FUT2: variants seen among roughly 807,000 people sequenced by gnomAD.
The protein encoded by FUT2 is galactoside alpha-(1,2)-fucosyltransferase 2.
For missense variants in FUT2, 419 were observed against 465.8 expected (o/e 0.90, Z 0.93); for synonymous variants, 182 against 193.1 (o/e 0.94, Z 0.48).
rs200626231 is a variant in FUT2 at position 48,703,939 on chromosome 19, C to T, written c.983C>T (p.Pro328Leu). ...TTTAAGCCAGAGGCAGCCTTCCTGC[C>T]GGAGTGGACAGGGATTGCCGCAGAC... ...KIFKPEAAFL[P>L]EWTGIAADLS... The change falls in exon 2 of 2, where the codon CCG becomes CTG. Residue 328 changes from proline to leucine, a missense_variant. Physicochemically the swap from Pro to Leu is moderately conservative, Grantham distance 98. Coordinates refer to ENST00000425340, the MANE Select transcript of FUT2 (RefSeq NM_000511.6). 4.0e-5 allele frequency: 64 copies of T among 1,613,538 alleles called. No homozygotes were observed. In the Admixed American group the frequency reaches 6.8e-4, roughly 17 times the overall value.
intron 1 of FUT2, among the ~76,000 whole-genome samples, chr19:48,700,522 G>A (rs1056875379): frequency 4.2e-4 from 64 of 151,760 alleles, no homozygotes; most frequent in African/African-American, 8.9e-4. Flanking sequence ...TAGTAGAGAC[G>A]GGGTTTCACC....
rs1219090590 is a variant in FUT2, at chr19:48,704,725, C to T, written c.*737C>T. 2.4e-6 allele frequency: 1 copy of T among 413,372 alleles called. No individual in the cohort carries two copies. Among genetic ancestry groups the T allele is most frequent in the Non-Finnish European group, 4.4e-6 (1 of 226,306 alleles). The allele number at this position is 413,372 out of a possible 1,614,324, so 25.6% of individuals were successfully genotyped here. On this transcript the variant is annotated 3_prime_UTR_variant, in exon 2 of 2. Transcript: ENST00000425340. The stretch of plus-strand genomic sequence containing the variant: ...GGTCCCTTTTGAAGAATGAATGAAA[C>T]CTTCCTAAGCCTTCCAGCAATTTCC...
At chr19:48,698,647 G>T (rs1243733447) in intron 1 of FUT2, among the ~76,000 whole-genome samples, 1 of 151,862 alleles carries the variant, frequency 6.6e-6, no homozygotes, top group Non-Finnish European at 1.5e-5. Context: ...TCTCCATGTT[G>T]GTCAGGCTGC....
chr19:48,697,043 G>A (rs773571691), intron 1 of FUT2, among the ~76,000 whole-genome samples: 4 of 151,956 alleles, frequency 2.6e-5, no homozygotes, highest in Non-Finnish European at 4.4e-5. Flanking sequence ...AAGCCGGGCC[G>A]CAATAGAAAG....
At chr19:48,700,539 G>A (rs543754353) in intron 1 of FUT2, among the ~76,000 whole-genome samples, 1 of 151,938 alleles carries the variant, frequency 6.6e-6, no homozygotes, top group Admixed American at 6.6e-5. Flanking sequence ...CACCGTGTTA[G>A]CCAGGATGGT....
Position 48,703,715 on chromosome 19 carries a change from T to A in FUT2, c.759T>A (p.Ile253=). 1 of 1,613,626 alleles carries A rather than the reference T, an allele frequency of 6.2e-7. No homozygotes were observed. Among genetic ancestry groups the A allele is most frequent in the Non-Finnish European group, 8.5e-7 (1 of 1,180,020 alleles). The stretch of plus-strand genomic sequence containing the variant: ...GCATGGCCTGGTGTCGGGAGAACAT[T>A]GACACCTCCCACGGTGATGTGGTGT... ...SNGMAWCREN[I]DTSHGDVVFA... is the part of the protein sequence containing the mutation. Residue 253 remains isoleucine, a synonymous_variant, in exon 2 of 2, where the codon ATT becomes ATA. Transcript: ENST00000425340.
chr19:48,698,817 C>G (rs1268596403), intron 1 of FUT2, among the ~76,000 whole-genome samples: 2 of 151,928 alleles, frequency 1.3e-5, no homozygotes, highest in African/African-American at 2.4e-5. Context: ...CTCAAGCAAT[C>G]CTCCCAGCTC....
chr19:48,700,152 C>CAAAAA (rs923397801), intron 1 of FUT2, among the ~76,000 whole-genome samples: 133 of 43,988 alleles, frequency 3.0e-3, no homozygotes, highest in Non-Finnish European at 3.8e-3. Flanking sequence ...GACTCCATCT[C>CAAAAA]AAAAAAAAAA....
chr19:48,698,578 A>T (rs1342940649), intron 1 of FUT2, among the ~76,000 whole-genome samples: 2 of 151,960 alleles, frequency 1.3e-5, no homozygotes, highest in East Asian at 3.9e-4. Context: ...AGTAGCTGTG[A>T]TTACAGGCAT....
chr19:48,701,607 G>C (rs577987014), intron 1 of FUT2, among the ~76,000 whole-genome samples: 1 of 152,198 alleles, frequency 6.6e-6, no homozygotes, highest in African/African-American at 2.4e-5. Flanking sequence ...CAGGCCAGGT[G>C]GACAATTTCC....
chr19:48,705,111 C>CTTTT lies in FUT2; in HGVS notation c.*1137_*1140dup, dbSNP rs764196118. 3 of 139,142 alleles carry CTTTT rather than the reference C, an allele frequency of 2.2e-5. No individual in the cohort carries two copies. Among genetic ancestry groups the CTTTT allele is most frequent in the Non-Finnish European group, 2.9e-5 (2 of 68,966 alleles). The allele number at this position is 139,142 out of a possible 1,614,324, so 8.6% of individuals were successfully genotyped here. Reference sequence around the variant, plus strand: ...CACTGTTTTCTTTTCTTTTTCTTTTCTTTTTTTTTTTTTTTTTGAGATGGA... The same window carrying CTTTT: ...CACTGTTTTCTTTTCTTTTTCTTTTCTTTTTTTTTTTTTTTTTTTTTGAGATGGA... On this transcript the variant is annotated 3_prime_UTR_variant, in exon 2 of 2. Transcript: ENST00000425340.
chr19:48,703,465 T>C lies in FUT2; in HGVS notation c.509T>C (p.Leu170Pro), dbSNP rs1179211647. The part of the protein sequence containing the change: ...LRQEILQEFT[L>P]HDHVREEAQK... The stretch of plus-strand genomic sequence containing the variant: ...CAGGAGATCCTCCAGGAGTTCACCC[T>C]GCACGACCACGTGCGGGAGGAGGCC... The change falls in exon 2 of 2, where the codon CTG (leucine) becomes CCG (proline). Residue 170 changes from leucine to proline, a missense_variant. By Grantham distance (98) the Leu-to-Pro change is moderately conservative. Transcript: ENST00000425340. The C allele has an allele frequency of 5.6e-6, 9 of 1,612,870 alleles. No individual in the cohort carries two copies. The highest frequency in any genetic ancestry group is 6.8e-6 in the Non-Finnish European group (8 of 1,180,032).
intron 1 of FUT2, among the ~76,000 whole-genome samples, chr19:48,700,870 G>A (rs1438482607): frequency 2.0e-5 from 3 of 152,016 alleles, no homozygotes; most frequent in Non-Finnish European, 4.4e-5. Flanking sequence ...TGAGACTTCT[G>A]GGATTAGTTT....
intron 1 of FUT2, among the ~76,000 whole-genome samples, chr19:48,698,593 C>T (rs1337717977): frequency 6.6e-6 from 1 of 151,994 alleles, no homozygotes; most frequent in East Asian, 1.9e-4. Context: ...AGGCATGTGC[C>T]ACCACGCCTG....
At chr19:48,699,671 G>C (rs2032475456) in intron 1 of FUT2, among the ~76,000 whole-genome samples, 1 of 152,066 alleles carries the variant, frequency 6.6e-6, no homozygotes, top group Non-Finnish European at 1.5e-5. Flanking sequence ...GCCAGACACT[G>C]TTTTAATCCT....
Position 48,704,427 on chromosome 19 carries a change from AAAAAAAAAAAAAAAG to A in FUT2, c.*444_*458del, listed in dbSNP as rs2122227758. On this transcript the variant is annotated 3_prime_UTR_variant, in exon 2 of 2. Coordinates refer to ENST00000425340, the MANE Select transcript of FUT2 (RefSeq NM_000511.6). ...ACACAGCAAGACTCCATCTCAAAAA[AAAAAAAAAAAAAAAG>A]AAAAGAAAAAGAAATGAATGGGTTC... 25 of 214,678 alleles carry A rather than the reference AAAAAAAAAAAAAAAG, an allele frequency of 1.2e-4. No homozygotes were observed. Among genetic ancestry groups the A allele is most frequent in the South Asian group, 3.1e-4 (3 of 9,608 alleles). The allele number at this position is 214,678 out of a possible 1,614,324, so 13.3% of individuals were successfully genotyped here.
chr19:48,698,109 C>T (rs2032448425), intron 1 of FUT2, among the ~76,000 whole-genome samples: 1 of 150,338 alleles, frequency 6.7e-6, no homozygotes, highest in Non-Finnish European at 1.5e-5. Context: ...TTTTATCCCT[C>T]CCCACAACCC....
chr19:48,703,959 G>T lies in FUT2; in HGVS notation c.1003G>T (p.Ala335Ser), dbSNP rs373779096. Residue 335 changes from alanine to serine, a missense_variant, in exon 2 of 2, where the codon GCA becomes TCA. Ala to Ser is a moderately conservative substitution (Grantham distance 99). Coordinates refer to ENST00000425340, the MANE Select transcript of FUT2 (RefSeq NM_000511.6). ...CCTGCCGGAGTGGACAGGGATTGCC[G>T]CAGACCTGTCCCCCTTACTCAAGCA... is the stretch of plus-strand genomic sequence containing the variant. ...AFLPEWTGIA[A>S]DLSPLLKH The T allele has an allele frequency of 1.9e-6, 3 of 1,613,438 alleles. No individual in the cohort carries two copies. The highest frequency in any genetic ancestry group is 3.3e-5 in the Admixed American group (2 of 59,994).
intron 1 of FUT2, among the ~76,000 whole-genome samples, chr19:48,697,705 T>A (rs991029885): frequency 1.3e-5 from 2 of 152,002 alleles, no homozygotes; most frequent in African/African-American, 4.8e-5. Context: ...TGTTGTTGTA[T>A]CTTTTTGAGA....
Sources: gnomAD v4.1 joint callset for allele counts (sites outside exome capture counted in the v4.1 genomes callset) on GRCh38, gnomAD v4.1.1 for gene constraint, MANE v1.5 for transcripts, NCBI Gene and HGNC (gene_info 2026-07-23, HGNC 2026-07-21) for gene names.